The following RABGAP1 variants were observed in gnomAD, a reference collection of about 807,000 sequenced individuals.
The protein encoded by RABGAP1 is rab GTPase-activating protein 1.
Under a neutral mutation model 137.6 loss-of-function variants are expected in RABGAP1, and 23 were observed. That is an observed-to-expected ratio of 0.17 (90% CI 0.12 to 0.24). The LOEUF is 0.24. RABGAP1 is among the 10% of genes least tolerant of loss of function. The pLI is 1.00. For missense variants in RABGAP1, 906 were observed against 1,275.8 expected (o/e 0.71, Z 4.42); for synonymous variants, 451 against 450.7 (o/e 1.00, Z -0.01).
At chr9:123,068,755 G>A (rs2034262842) in intron 14 of RABGAP1, among the ~76,000 whole-genome samples, 1 of 152,160 alleles carries the variant, frequency 6.6e-6, no homozygotes, top group Non-Finnish European at 1.5e-5. Context: ...TTATTAATGC[G>A]TGATCATAAT....
intron 6 of RABGAP1, among the ~76,000 whole-genome samples, chr9:122,994,032 C>G (rs557977610): frequency 1.3e-5 from 2 of 152,240 alleles, no homozygotes; most frequent in African/African-American, 4.8e-5. Context: ...ATCCACTAAC[C>G]GTCCTCATGA....
intron 2 of RABGAP1, among the ~76,000 whole-genome samples, chr9:122,958,549 G>A (rs1564359520): frequency 1.3e-5 from 2 of 152,014 alleles, no homozygotes; most frequent in African/African-American, 4.8e-5. Context: ...TCGTGGGGTG[G>A]GGGGAGCAGG....
intron 2 of RABGAP1, among the ~76,000 whole-genome samples, chr9:122,982,678 T>C (rs927317601): frequency 1.3e-5 from 2 of 152,172 alleles, no homozygotes; most frequent in African/African-American, 2.4e-5. Flanking sequence ...CAGTATTTCT[T>C]CTCCAGTTTT....
chr9:123,028,627 G>A (rs1458038709), intron 13 of RABGAP1, among the ~76,000 whole-genome samples: 1 of 152,144 alleles, frequency 6.6e-6, no homozygotes, highest in East Asian at 1.9e-4. Context: ...CCAGAGAGGT[G>A]GTAGATAGGG....
chr9:123,009,219 C>T (rs1248193386), intron 10 of RABGAP1, among the ~76,000 whole-genome samples: 1 of 152,194 alleles, frequency 6.6e-6, no homozygotes, highest in Non-Finnish European at 1.5e-5. Flanking sequence ...CCCATATAGC[C>T]TAAAATGTTT....
chr9:123,054,603 A>T (rs2033619826), intron 13 of RABGAP1, among the ~76,000 whole-genome samples: 2 of 152,238 alleles, frequency 1.3e-5, no homozygotes, highest in South Asian at 4.1e-4. Flanking sequence ...CTAAATCCCA[A>T]ACTTTATTTA....
intron 2 of RABGAP1, among the ~76,000 whole-genome samples, chr9:122,963,591 T>A (rs1207502991): frequency 6.6e-6 from 1 of 152,148 alleles, no homozygotes; most frequent in African/African-American, 2.4e-5. Flanking sequence ...AGATACAATA[T>A]ACTAAGACTT....
At chr9:123,031,927 G>A (rs1005774634) in intron 13 of RABGAP1, among the ~76,000 whole-genome samples, 1 of 152,286 alleles carries the variant, frequency 6.6e-6, no homozygotes, top group South Asian at 2.1e-4. Flanking sequence ...TTTATGTTGA[G>A]GGAATAATTG....
intron 13 of RABGAP1, among the ~76,000 whole-genome samples, chr9:123,056,705 G>C (rs2132082547): frequency 6.6e-6 from 1 of 152,068 alleles, no homozygotes; most frequent in Non-Finnish European, 1.5e-5. Context: ...CTGCCTTCAA[G>C]CATCTGTTTA....
At chr9:122,959,121 A>G (rs2131631667) in intron 2 of RABGAP1, among the ~76,000 whole-genome samples, 1 of 152,286 alleles carries the variant, frequency 6.6e-6, no homozygotes, top group South Asian at 2.1e-4. Flanking sequence ...TTTTTTAGAG[A>G]AGGTCTTGAG....
rs1218832352 is a variant in RABGAP1, at chr9:123,103,247, CACG to C, written c.*37_*39del. The C allele has an allele frequency of 4.3e-6, 7 of 1,611,168 alleles. No individual in the cohort carries two copies. Among genetic ancestry groups the C allele is most frequent in the South Asian group, 1.1e-5 (1 of 90,694 alleles). ...GCCGCCTCCCGACACCTTCAGAAAACACGACACCTTTTGTTGCCTTCTTTGGCC... is the reference window on the plus strand; with the variant it reads ...GCCGCCTCCCGACACCTTCAGAAAACACACCTTTTGTTGCCTTCTTTGGCC... On this transcript the variant is annotated 3_prime_UTR_variant, in exon 26 of 26. Coordinates refer to ENST00000373647, the MANE Select transcript of RABGAP1 (RefSeq NM_012197.4).
chr9:122,996,140 T>A lies in RABGAP1; in HGVS notation c.1023T>A (p.Leu341=). The change falls in exon 7 of 26, where the codon CTT becomes CTA. Residue 341 remains leucine (L), a synonymous_variant. Transcript: ENST00000373647. Reference sequence around the variant, plus strand: ...TGCAGCAAACAACTAATAAAGAACTTGCCATTGAAAGGTAAGCATTTTTAG... The same window carrying A: ...TGCAGCAAACAACTAATAAAGAACTAGCCATTGAAAGGTAAGCATTTTTAG... ...IYVQQTTNKE[L]AIERCFGLLL... The A allele has an allele frequency of 6.2e-7, 1 of 1,604,756 alleles. No homozygotes were observed. The highest frequency in any genetic ancestry group is 1.3e-5 in the African/African-American group (1 of 74,444).
intron 11 of RABGAP1, 112 bp from the exon 12 acceptor site, chr9:123,015,431 A>G (rs1217108978): frequency 2.3e-5 from 14 of 596,222 alleles, no homozygotes; most frequent in Non-Finnish European, 3.4e-5. Flanking sequence ...GAGAGAAATT[A>G]TGACTTTATG....
chr9:123,022,656 C>T (rs994606880), intron 13 of RABGAP1, among the ~76,000 whole-genome samples: 1 of 152,024 alleles, frequency 6.6e-6, no homozygotes, highest in African/African-American at 2.4e-5. Flanking sequence ...CCGCCCGCCT[C>T]GACCTCCCAA....
intron 2 of RABGAP1, among the ~76,000 whole-genome samples, chr9:122,973,259 A>G (rs968043403): frequency 3.9e-5 from 6 of 151,932 alleles, no homozygotes; most frequent in Middle Eastern, 3.2e-3. Context: ...TGCTTTTGAG[A>G]CGGAGTCTCG....
intron 10 of RABGAP1, among the ~76,000 whole-genome samples, chr9:122,999,769 T>A (rs966575745): frequency 3.5e-4 from 53 of 151,968 alleles, no homozygotes; most frequent in Admixed American, 1.8e-3. Context: ...TTCTTAAACT[T>A]TTTTTCCTGC....
At chr9:122,969,576 G>A (rs10122196) in intron 2 of RABGAP1, among the ~76,000 whole-genome samples, 16,539 of 151,878 alleles carry the variant, frequency 0.11, 2,900 homozygotes, top group African/African-American at 0.37. Flanking sequence ...GATATCTTGC[G>A]CAGTGGTCCT....
intron 21 of RABGAP1, among the ~76,000 whole-genome samples, chr9:123,096,836 C>T (rs1444890965): frequency 4.6e-5 from 7 of 152,224 alleles, no homozygotes; most frequent in Admixed American, 3.3e-4. Context: ...TCCCAAAGTG[C>T]TGGGATTACA....
intron 2 of RABGAP1, among the ~76,000 whole-genome samples, chr9:122,971,254 C>G (rs1428193758): frequency 6.6e-6 from 1 of 152,316 alleles, no homozygotes; most frequent in Admixed American, 6.5e-5. Flanking sequence ...TTTATTCCCA[C>G]AGGCTTGCCT....
Sources: gnomAD v4.1 joint callset for allele counts (sites outside exome capture counted in the v4.1 genomes callset) on GRCh38, gnomAD v4.1.1 for gene constraint, MANE v1.5 for transcripts, NCBI Gene and HGNC (gene_info 2026-07-23, HGNC 2026-07-21) for gene names.